The following C16orf96 variants were observed in gnomAD, a reference collection of about 807,000 sequenced individuals.
C16orf96 encodes uncharacterized protein C16orf96.
A neutral mutation model predicts 103.6 loss-of-function variants in C16orf96; 108 were observed. The ratio of observed to expected loss-of-function variants is 1.04; its 90% CI spans 0.89 to 1.22. The LOEUF (loss-of-function observed/expected upper bound fraction) is 1.22, where lower values mean the gene tolerates loss of function less well. C16orf96 is among the 50% of genes most tolerant of loss of function. The pLI, the probability that C16orf96 is intolerant of heterozygous loss-of-function variation, is 0.00. For missense variants in C16orf96, 1,586 were observed against 1,464.2 expected (o/e 1.08, Z -1.36); for synonymous variants, 566 against 593.5 (o/e 0.95, Z 0.67).
chr16:4,595,776 G>A (rs980871962), intron 14 of C16orf96, among the ~76,000 whole-genome samples: 2 of 151,926 alleles, frequency 1.3e-5, no homozygotes, highest in Non-Finnish European at 2.9e-5. Flanking sequence ...GTGCGATCTC[G>A]GTTCACTGCA....
the C16orf96 span, among the ~76,000 whole-genome samples, chr16:4,551,000 C>T: frequency 1.3e-5 from 2 of 152,158 alleles, no homozygotes; most frequent in Non-Finnish European, 2.9e-5. Context: ...GGGTCGGGCG[C>T]GGTGGCTCAC....
At chr16:4,542,530 C>T in the C16orf96 span, among the ~76,000 whole-genome samples, 1 of 152,186 alleles carries the variant, frequency 6.6e-6, no homozygotes, top group Admixed American at 6.5e-5. Context: ...GGCGCAGTGG[C>T]TCATGCCTGT....
intron 6 of C16orf96, among the ~76,000 whole-genome samples, chr16:4,579,660 G>A (rs1002079370): frequency 2.7e-5 from 4 of 150,646 alleles, no homozygotes; most frequent in Non-Finnish European, 4.4e-5. Context: ...CATCCAGGCT[G>A]GAGTGCAGTG....
intron 1 of C16orf96, among the ~76,000 whole-genome samples, chr16:4,566,921 G>T (rs2059389596): frequency 6.6e-6 from 1 of 151,988 alleles, no homozygotes; most frequent in African/African-American, 2.4e-5. Flanking sequence ...CTAAAAGTTT[G>T]TCAATTTTGT....
At chr16:4,587,326 C>T (rs1896950441) in intron 8 of C16orf96, among the ~76,000 whole-genome samples, 1 of 151,074 alleles carries the variant, frequency 6.6e-6, no homozygotes, top group Admixed American at 6.6e-5. Context: ...GAATTCGAGA[C>T]CAGCCTGCCT....
intron 1 of C16orf96, among the ~76,000 whole-genome samples, chr16:4,558,102 T>G (rs977598517): frequency 4.6e-5 from 7 of 152,128 alleles, no homozygotes; most frequent in African/African-American, 1.7e-4. Context: ...GAACCAGCCC[T>G]GTGAGGAGCA....
chr16:4,543,086 A>T, the C16orf96 span, among the ~76,000 whole-genome samples: 5 of 152,162 alleles, frequency 3.3e-5, no homozygotes, highest in Admixed American at 3.3e-4. Context: ...AGACTAATAT[A>T]ATAGCTTATG....
At position 4,593,289 on chromosome 16, in the gene C16orf96, G is replaced by A. The variant is rs1228006017; in HGVS notation, c.2840G>A (p.Cys947Tyr). ...CTGCGGCCAGCCAGCGCCAACAGCT[G>A]CGAGTACTTGCAGCGGCAACAGATG... ...SRLRPASANS[C>Y]EYLQRQQMRE... Residue 947 changes from cysteine (C) to tyrosine (Y), a missense_variant, in exon 12 of 16, where the codon TGC (cysteine) becomes TAC (tyrosine). Transcript: ENST00000444310. The surrounding 1 kb of genome is among the most constrained non-coding windows in gnomAD (Gnocchi z 4.2). The A allele has an allele frequency of 6.4e-7, 1 of 1,550,994 alleles. No individual in the cohort carries two copies. Among genetic ancestry groups the A allele is most frequent in the Non-Finnish European group, 8.7e-7 (1 of 1,146,892 alleles).
At chr16:4,554,972 G>A (rs1375397259), upstream of C16orf96, among the ~76,000 whole-genome samples, 1 of 151,676 alleles carries the variant, frequency 6.6e-6, no homozygotes, top group African/African-American at 2.4e-5. Flanking sequence ...CCCAGAAAAT[G>A]GAACACTTGG....
chr16:4,594,773 C>T lies in C16orf96; in HGVS notation c.3097C>T (p.Gln1033Ter), dbSNP rs772977141. 2.8e-5 allele frequency: 43 copies of T among 1,550,754 alleles called. No homozygotes were observed. Among genetic ancestry groups the T allele is most frequent in the Non-Finnish European group, 3.5e-6 (4 of 1,146,920 alleles). The change falls in exon 14 of 16, where the codon CAG becomes TAG. Residue 1033 changes from glutamine to a stop codon, truncating the protein, a stop_gained. Transcript: ENST00000444310. LOFTEE classifies it high-confidence loss of function. ...KGRVNSQRGA[Q>*]PLAVAKELAA... ...CCGCGTGAACAGCCAGCGTGGGGCT[C>T]AGCCCTTGGCCGTCGCAAAGGAGCT...
chr16:4,576,569 C>T lies in C16orf96; in HGVS notation c.2089C>T (p.His697Tyr), dbSNP rs1294841816. Residue 697 changes from histidine (H) to tyrosine (Y), a missense_variant, in exon 5 of 16, where the codon CAC becomes TAC. Coordinates refer to ENST00000444310, the MANE Select transcript of C16orf96 (RefSeq NM_001145011.2). ...CCACATAGCCCAGATACCTGTCAAA[C>T]ACGACTCTCTGAAGGAAGAATTTGC... ...MSHIAQIPVK[H>Y]DSLKEEFAQL... 3 of 1,551,484 alleles carry T rather than the reference C, an allele frequency of 1.9e-6. No homozygotes were observed. Among genetic ancestry groups the T allele is most frequent in the African/African-American group, 2.7e-5 (2 of 73,066 alleles).
rs1249235880 is a variant in C16orf96 at position 4,593,617 on chromosome 16, A to G, written c.2867+301A>G. 6.6e-6 allele frequency among the ~76,000 whole-genome samples: 1 copy of G among 151,998 alleles called. No individual in the cohort carries two copies. Among genetic ancestry groups the G allele is most frequent in the Non-Finnish European group, 1.5e-5 (1 of 67,994 alleles). On this transcript the variant is annotated intron_variant, in intron 12 of 15. Coordinates refer to ENST00000444310, the MANE Select transcript of C16orf96 (RefSeq NM_001145011.2). This position sits in a 1 kb window ranked among gnomAD's most constrained non-coding sequence, Gnocchi z 4.2. The stretch of plus-strand genomic sequence containing the variant: ...CCTGTGAGCTAGGGTTCCTATGCCC[A>G]TGTCCCTGTTTCTTGGCGGAGGGAA...
intron 1 of C16orf96, among the ~76,000 whole-genome samples, chr16:4,562,080 C>G (rs912474668): frequency 6.6e-6 from 1 of 152,082 alleles, no homozygotes; most frequent in Non-Finnish European, 1.5e-5. Flanking sequence ...AGATGCATCG[C>G]CACTGCATTA....
chr16:4,554,073 C>T (rs890629435), upstream of C16orf96, among the ~76,000 whole-genome samples: 2 of 152,082 alleles, frequency 1.3e-5, no homozygotes, highest in Non-Finnish European at 2.9e-5. Context: ...GCAGACTTTC[C>T]CAGGAGACAA....
chr16:4,592,111 G>A (rs892880256), intron 10 of C16orf96, among the ~76,000 whole-genome samples, 194 bp from the exon 11 acceptor site: 5 of 152,206 alleles, frequency 3.3e-5, no homozygotes, highest in South Asian at 2.1e-4. Context: ...CCCTCACACA[G>A]CTTTAAAAAC....
chr16:4,562,902 G>T, intron 1 of C16orf96: 2 of 1,423,740 alleles, frequency 1.4e-6, no homozygotes, highest in Admixed American at 1.8e-5. Context: ...TTTTCTTCCT[G>T]GTTTCATTTC....
chr16:4,563,237 G>T (rs745948485), intron 1 of C16orf96: 8 of 502,630 alleles, frequency 1.6e-5, no homozygotes, highest in Non-Finnish European at 2.7e-5. Flanking sequence ...TTGCTCGTTC[G>T]CTCATGACTG....
At chr16:4,591,813 AG>A (rs5815211) in intron 10 of C16orf96, 29 bp downstream of exon 10, 1,138,959 of 1,480,628 alleles carry the variant, frequency 0.77, 447,357 homozygotes, top group East Asian at 0.89. Flanking sequence ...CCCTCCTGGT[AG>A]GGGTCCTGCT....
chr16:4,562,973 A>G, intron 1 of C16orf96: 5 of 1,264,834 alleles, frequency 4.0e-6, no homozygotes, highest in Non-Finnish European at 5.7e-6. Context: ...TAAAATCTTG[A>G]ACGCCAACGT....
Sources: allele counts gnomAD v4.1 joint callset (sites outside exome capture counted in the v4.1 genomes callset), GRCh38; gene constraint gnomAD v4.1.1; non-coding constraint Gnocchi (gnomAD v3.1); transcripts MANE v1.5; gene names NCBI Gene and HGNC (gene_info 2026-07-23, HGNC 2026-07-21).